The following ZP2 variants were observed in gnomAD, a reference collection of about 807,000 sequenced individuals.
ZP2 encodes the protein zona pellucida glycoprotein 2, also known as zona pellucida sperm-binding protein 2.
In ZP2, 51 loss-of-function variants were observed where a neutral mutation model predicts 84.0. The observed-to-expected ratio is 0.61, with a 90% CI of 0.49 to 0.77. ZP2 has a LOEUF of 0.77. ZP2 is among the 30% of genes least tolerant of loss of function. The pLI, the probability that ZP2 is intolerant of heterozygous loss-of-function variation, is 0.00. For missense variants in ZP2, 909 were observed against 911.9 expected, an observed-to-expected ratio of 1.00 and a Z score of 0.04; for synonymous variants, 375 against 330.9, an observed-to-expected ratio of 1.13 and a Z score of -1.45.
intron 5 of ZP2, chr16:21,206,076 C>A (rs1021317113): frequency 1.5e-5 from 6 of 388,492 alleles, no homozygotes; most frequent in Non-Finnish European, 2.4e-5. Flanking sequence ...CGGCTCCCTG[C>A]AACCTCCGTC....
Position 21,209,503 on chromosome 16 carries a change from C to T in ZP2, c.330+128G>A, listed in dbSNP as rs545679555. 1.4e-4 allele frequency: 104 copies of T among 736,864 alleles called. 1 individual carries two copies. The South Asian group carries it at 1.6e-3, about 11-fold the overall frequency. The allele number at this position is 736,864 out of a possible 1,614,324, so 45.6% of individuals were successfully genotyped here. A position where few individuals can be genotyped will look rare whatever the true frequency, so the allele number is the denominator to read the frequency against. Reference sequence around the variant, plus strand: ...TATAATAGAAAAGAAGAGCCACACACGAGACACCACCCCCTTGGTTGAGAG... The same window carrying T: ...TATAATAGAAAAGAAGAGCCACACATGAGACACCACCCCCTTGGTTGAGAG... On this transcript the variant is annotated intron_variant, in intron 4 of 18. Coordinates refer to ENST00000574091, the MANE Select transcript of ZP2 (RefSeq NM_001376232.1).
upstream of ZP2, chr16:21,211,776 C>G: frequency 6.9e-7 from 1 of 1,446,900 alleles, no homozygotes; most frequent in Non-Finnish European, 9.1e-7. Flanking sequence ...TCAGAGTTTG[C>G]TGAAATCAGC....
chr16:21,207,052 ACCATCTGAC>A, intron 4 of ZP2, 62 bp from the exon 5 acceptor site: 1 of 1,575,128 alleles, frequency 6.3e-7, no homozygotes, highest in Non-Finnish European at 8.7e-7. Context: ...ATTCTAGAAT[ACCATCTGAC>A]CCATCTGAGT....
At chr16:21,205,822 G>A (rs1218714894) in intron 5 of ZP2, 47 bp from the exon 6 acceptor site, 2 of 1,598,128 alleles carry the variant, frequency 1.3e-6, no homozygotes, top group African/African-American at 2.7e-5. Flanking sequence ...GGAGGTAGAT[G>A]TTTCCGAATT....
At chr16:21,211,192 T>C (rs767269789) in intron 2 of ZP2, 115 bp downstream of exon 2, 27 of 864,248 alleles carry the variant, frequency 3.1e-5, no homozygotes, top group Non-Finnish European at 4.9e-5. Context: ...ACCAAGGTAA[T>C]AAAGGGGGTG....
intron 9 of ZP2, 116 bp from the exon 10 acceptor site, chr16:21,203,367 G>C: frequency 7.1e-7 from 1 of 1,403,244 alleles, no homozygotes; most frequent in Non-Finnish European, 9.7e-7. Flanking sequence ...ACTTATCTGG[G>C]CTCCCTTTAA....
chr16:21,211,433 C>CT, intron 1 of ZP2, 38 bp from the exon 2 acceptor site: 1 of 1,614,058 alleles, frequency 6.2e-7, no homozygotes, highest in South Asian at 1.1e-5. Context: ...GAAGAATGGA[C>CT]TTTAACAAAC....
upstream of ZP2, among the ~76,000 whole-genome samples, chr16:21,212,454 A>G (rs374600585): frequency 3.3e-4 from 51 of 152,356 alleles, no homozygotes; most frequent in East Asian, 7.9e-3. Context: ...ATGTTTCTAC[A>G]AACACCACAC....
chr16:21,207,047 A>G, intron 4 of ZP2, 57 bp from the exon 5 acceptor site: 3 of 1,602,664 alleles, frequency 1.9e-6, no homozygotes, highest in Non-Finnish European at 2.6e-6. Context: ...ATGGGATTCT[A>G]GAATACCATC....
intron 4 of ZP2, among the ~76,000 whole-genome samples, chr16:21,207,528 G>A (rs904024284): frequency 1.4e-4 from 21 of 152,216 alleles, no homozygotes; most frequent in Middle Eastern, 6.8e-3. Context: ...CTCATTGCCT[G>A]TAACTCCAGC....
upstream of ZP2, among the ~76,000 whole-genome samples, chr16:21,213,594 C>G (rs898316035): frequency 6.6e-5 from 10 of 152,140 alleles, no homozygotes; most frequent in African/African-American, 2.4e-4. Flanking sequence ...ATTTACTTAA[C>G]GAGCACCACA....
chr16:21,208,913 A>T (rs987723616), intron 4 of ZP2, among the ~76,000 whole-genome samples: 16 of 152,148 alleles, frequency 1.1e-4, no homozygotes, highest in African/African-American at 3.9e-4. Flanking sequence ...GAAAGGGCTC[A>T]CTTGGTGGAA....
chr16:21,204,554 A>G, intron 7 of ZP2, 150 bp from the exon 8 acceptor site: 1 of 663,686 alleles, frequency 1.5e-6, no homozygotes, highest in Non-Finnish European at 2.6e-6. Context: ...TAATTTGTCT[A>G]ATCTGGAGGT....
At position 21,211,239 on chromosome 16, in the gene ZP2, C is replaced by T. The variant is rs112262814; in HGVS notation, c.151+68G>A. On this transcript the variant is annotated intron_variant, in intron 2 of 18. Coordinates refer to ENST00000574091, the MANE Select transcript of ZP2 (RefSeq NM_001376232.1). ...TCTGAGCCAGGCCTGTGTTTCTTGGCCAGCTAGGCCTTCCAGCTGCAACCT... is the reference window on the plus strand; with the variant it reads ...TCTGAGCCAGGCCTGTGTTTCTTGGTCAGCTAGGCCTTCCAGCTGCAACCT... 6.9e-4 allele frequency: 978 copies of T among 1,416,342 alleles called. 3 individuals carry two copies. In the African/African-American group the frequency reaches 0.012, roughly 17 times the overall value. The allele number at this position is 1,416,342 out of a possible 1,614,324, so 87.7% of individuals were successfully genotyped here.
intron 7 of ZP2, 108 bp downstream of exon 7, chr16:21,205,312 A>C (rs544448907): frequency 9.5e-4 from 1,300 of 1,362,482 alleles, no homozygotes; most frequent in Admixed American, 2.7e-3. Flanking sequence ...AATAGGCATT[A>C]AAATGGGTTG....
chr16:21,201,574 A>AT lies in ZP2; in HGVS notation c.1505-17dup. Reference sequence around the variant, plus strand: ...TAGGAATTATCTGAAATTGAATGGTATTCAAGTAGTTAATGGCTGCAACAC... The same window carrying AT: ...TAGGAATTATCTGAAATTGAATGGTATTTCAAGTAGTTAATGGCTGCAACAC... On this transcript the variant is annotated splice_polypyrimidine_tract_variant and intron_variant, in intron 13 of 18. Coordinates refer to ENST00000574091, the MANE Select transcript of ZP2 (RefSeq NM_001376232.1). 2 of 1,602,702 alleles carry AT rather than the reference A, an allele frequency of 1.2e-6. No homozygotes were observed. The highest frequency in any genetic ancestry group is 1.7e-6 in the Non-Finnish European group (2 of 1,173,046).
At chr16:21,202,760 C>A in intron 10 of ZP2, among the ~76,000 whole-genome samples, 1 of 104,654 alleles carries the variant, frequency 9.6e-6, no homozygotes, top group Non-Finnish European at 1.9e-5. Flanking sequence ...GGAGGCAATG[C>A]TAAACAAGAG....
intron 10 of ZP2, among the ~76,000 whole-genome samples, chr16:21,202,891 A>G (rs2093232494): frequency 6.6e-6 from 1 of 152,210 alleles, no homozygotes; most frequent in Admixed American, 6.5e-5. Flanking sequence ...AAGCCAAAAT[A>G]TCTAGATTGT....
upstream of ZP2, among the ~76,000 whole-genome samples, chr16:21,212,524 C>A (rs1007405749): frequency 1.3e-5 from 2 of 152,188 alleles, no homozygotes; most frequent in African/African-American, 4.8e-5. Flanking sequence ...CTGCTACTGT[C>A]ACTTTATAAC....
Sources: allele counts gnomAD v4.1 joint callset (sites outside exome capture counted in the v4.1 genomes callset), GRCh38; gene constraint gnomAD v4.1.1; transcripts MANE v1.5; gene names NCBI Gene and HGNC (gene_info 2026-07-23, HGNC 2026-07-21).